FSTL5: variants seen among roughly 807,000 people sequenced by gnomAD.
FSTL5 encodes follistatin like 5, also known as follistatin-related protein 5.
In FSTL5, 62 loss-of-function variants were observed where a neutral mutation model predicts 89.1. The ratio of observed to expected loss-of-function variants is 0.70; its 90% CI spans 0.57 to 0.86. FSTL5 has a LOEUF of 0.86. Among genes scored for constraint, FSTL5 ranks in the 40% least tolerant of loss-of-function variants. The pLI is 0.00. For missense variants in FSTL5, 1,057 were observed against 1,001.6 expected (o/e 1.06, Z -0.75); for synonymous variants, 383 against 346.2 (o/e 1.11, Z -1.18).
chr4:161,698,160 G>A (rs559291261), intron 6 of FSTL5, among the ~76,000 whole-genome samples: 2 of 152,272 alleles, frequency 1.3e-5, no homozygotes, highest in African/African-American at 2.4e-5. Flanking sequence ...TCTGCCATGT[G>A]AGGACACAGC....
At chr4:161,773,191 A>T (rs761191286) in intron 5 of FSTL5, among the ~76,000 whole-genome samples, 1 of 152,194 alleles carries the variant, frequency 6.6e-6, no homozygotes, top group Non-Finnish European at 1.5e-5. Flanking sequence ...ACAGAAATCA[A>T]CTCAAGATGG....
At chr4:161,854,412 A>G (rs1462100714) in intron 4 of FSTL5, among the ~76,000 whole-genome samples, 1 of 152,146 alleles carries the variant, frequency 6.6e-6, no homozygotes, top group South Asian at 2.1e-4. Context: ...AACTACTGTG[A>G]AGTCCCTACA....
intron 3 of FSTL5, among the ~76,000 whole-genome samples, chr4:162,021,437 A>C (rs915125464): frequency 6.6e-6 from 1 of 152,166 alleles, no homozygotes; most frequent in East Asian, 1.9e-4. Context: ...TCCTTCCCAA[A>C]GATATTTTTC....
chr4:161,437,147 A>G (rs1732584769), intron 15 of FSTL5, among the ~76,000 whole-genome samples: 2 of 152,196 alleles, frequency 1.3e-5, no homozygotes, highest in Non-Finnish European at 2.9e-5. Context: ...CTAGTGGAAG[A>G]GATATTGAAG....
chr4:161,905,107 T>C (rs1733484551), intron 4 of FSTL5, among the ~76,000 whole-genome samples: 1 of 152,082 alleles, frequency 6.6e-6, no homozygotes, highest in Non-Finnish European at 1.5e-5. Context: ...TATTATGCTG[T>C]AACAAACCTA....
At chr4:161,953,964 T>G (rs760484052) in intron 3 of FSTL5, among the ~76,000 whole-genome samples, 2 of 151,606 alleles carry the variant, frequency 1.3e-5, no homozygotes, top group Non-Finnish European at 3.0e-5. Flanking sequence ...AATTTTTGAT[T>G]GACTACACAA....
chr4:161,876,543 A>G (rs1037042650), intron 4 of FSTL5, among the ~76,000 whole-genome samples: 2 of 152,178 alleles, frequency 1.3e-5, no homozygotes, highest in Non-Finnish European at 2.9e-5. Context: ...AAAGATGGCT[A>G]ATCAAACCTT....
At chr4:161,892,018 C>T (rs770957862) in intron 4 of FSTL5, among the ~76,000 whole-genome samples, 8 of 151,552 alleles carry the variant, frequency 5.3e-5, no homozygotes, top group Admixed American at 2.0e-4. Context: ...TTTTTACTTT[C>T]GTATATATGG....
At chr4:161,680,139 T>G (rs1298713767) in intron 6 of FSTL5, among the ~76,000 whole-genome samples, 1 of 151,902 alleles carries the variant, frequency 6.6e-6, no homozygotes, top group East Asian at 1.9e-4. Flanking sequence ...ACATAATTAT[T>G]TGTTTATAGA....
intron 2 of FSTL5, among the ~76,000 whole-genome samples, chr4:162,070,046 T>C (rs1164729644): frequency 6.6e-6 from 1 of 151,922 alleles, no homozygotes; most frequent in African/African-American, 2.4e-5. Context: ...CATTTCTTAT[T>C]TTTGGTCTTT....
At chr4:161,763,863 G>C in intron 5 of FSTL5, among the ~76,000 whole-genome samples, 1 of 152,202 alleles carries the variant, frequency 6.6e-6, no homozygotes, top group Middle Eastern at 3.4e-3. Flanking sequence ...GTACATTTCC[G>C]GGTATTAGAT....
chr4:161,544,862 G>A lies in FSTL5; in HGVS notation c.1016-2169C>T, dbSNP rs1310789743. On this transcript the variant is annotated intron_variant, in intron 8 of 15. Coordinates refer to ENST00000306100, the MANE Select transcript of FSTL5 (RefSeq NM_020116.5). ...TGTTACCTTTCCTGATTTGATAATTGCACTTTGATTAGGTAAAATAATTTT... is the reference window on the plus strand; with the variant it reads ...TGTTACCTTTCCTGATTTGATAATTACACTTTGATTAGGTAAAATAATTTT... Among the ~76,000 whole-genome samples, 3 of 151,816 alleles carry A rather than the reference G, an allele frequency of 2.0e-5. No homozygotes were observed. The Admixed American group carries it at 2.0e-4, about 10-fold the overall frequency.
intron 4 of FSTL5, among the ~76,000 whole-genome samples, chr4:161,887,801 C>A (rs1364931696): frequency 2.6e-5 from 4 of 152,158 alleles, no homozygotes; most frequent in Non-Finnish European, 5.9e-5. Context: ...TACAGTTAAT[C>A]TTCCATAGGA....
chr4:161,518,925 A>C (rs1267032173), intron 10 of FSTL5, among the ~76,000 whole-genome samples: 1 of 152,144 alleles, frequency 6.6e-6, no homozygotes, highest in Admixed American at 6.5e-5. Flanking sequence ...CCACTTCTTA[A>C]GGTGCTCATT....
intron 3 of FSTL5, among the ~76,000 whole-genome samples, chr4:162,006,861 T>C (rs1013733273): frequency 6.6e-6 from 1 of 151,956 alleles, no homozygotes; most frequent in East Asian, 1.9e-4. Flanking sequence ...AACAATGAAA[T>C]AGTCACATGG....
chr4:161,785,188 T>C (rs910769113), intron 4 of FSTL5, among the ~76,000 whole-genome samples: 19 of 152,138 alleles, frequency 1.2e-4, no homozygotes, highest in African/African-American at 4.6e-4. Flanking sequence ...ATCTCAAAAA[T>C]AAATTTAAAA....
intron 4 of FSTL5, among the ~76,000 whole-genome samples, chr4:161,809,228 C>CA (rs1386788835): frequency 6.6e-6 from 1 of 151,988 alleles, no homozygotes; most frequent in Non-Finnish European, 1.5e-5. Flanking sequence ...CAAAACAAAA[C>CA]AAAACAAAAT....
chr4:162,046,009 CCTGT>C (rs1407800818), intron 2 of FSTL5, among the ~76,000 whole-genome samples: 2 of 151,902 alleles, frequency 1.3e-5, no homozygotes, highest in Admixed American at 6.6e-5. Context: ...TTTTAGATAT[CCTGT>C]CTATCTCATT....
chr4:161,492,530 T>C (rs2126472087), intron 12 of FSTL5, among the ~76,000 whole-genome samples: 1 of 152,284 alleles, frequency 6.6e-6, no homozygotes, highest in African/African-American at 2.4e-5. Flanking sequence ...AATTCTATTG[T>C]TTTCTAAAAT....
Sources: allele counts gnomAD v4.1 joint callset (sites outside exome capture counted in the v4.1 genomes callset), GRCh38; gene constraint gnomAD v4.1.1; transcripts MANE v1.5; gene names NCBI Gene and HGNC (gene_info 2026-07-23, HGNC 2026-07-21).